PCDH15: variants seen among roughly 807,000 people sequenced by gnomAD.
PCDH15 encodes protocadherin-15.
Under a neutral mutation model 178.5 loss-of-function variants are expected in PCDH15, and 129 were observed. The ratio of observed to expected loss-of-function variants is 0.72; its 90% CI spans 0.63 to 0.84. The LOEUF is 0.84. PCDH15 is among the 40% of genes least tolerant of loss of function. PCDH15 has a pLI of 0.00. For missense variants in PCDH15, 2,230 were observed against 2,099.9 expected, an observed-to-expected ratio of 1.06 and a Z score of -1.21; for synonymous variants, 800 against 732.0, an observed-to-expected ratio of 1.09 and a Z score of -1.50.
Position 54,190,035 on chromosome 10 carries a change from G to A in PCDH15, c.1306-4767C>T, listed in dbSNP as rs190550295. ...AAATATTTCTTTTCCTTTCTTTTCAGTATTACTGTGGCCCTTGGAATTCTT... is the reference window on the plus strand; with the variant it reads ...AAATATTTCTTTTCCTTTCTTTTCAATATTACTGTGGCCCTTGGAATTCTT... On this transcript the variant is annotated intron_variant, in intron 11 of 37. Transcript: ENST00000644397. Among the ~76,000 whole-genome samples the A allele has an allele frequency of 2.6e-5, 4 of 151,432 alleles. No individual in the cohort carries two copies. In the East Asian group the frequency reaches 5.9e-4, roughly 22 times the overall value.
At chr10:55,422,538 T>G (rs1327984938) in intron 2 of PCDH15, among the ~76,000 whole-genome samples, 3 of 151,880 alleles carry the variant, frequency 2.0e-5, no homozygotes, top group African/African-American at 7.2e-5. Flanking sequence ...GTAATGACCT[T>G]CCTCTAACCT....
At chr10:53,860,344 C>T (rs1371692676) in intron 27 of PCDH15, among the ~76,000 whole-genome samples, 3 of 152,094 alleles carry the variant, frequency 2.0e-5, no homozygotes, top group Non-Finnish European at 4.4e-5. Flanking sequence ...GAGTTCTGAC[C>T]AACGTAAACT....
At chr10:54,248,125 T>C (rs368023620) in intron 8 of PCDH15, among the ~76,000 whole-genome samples, 15 of 151,730 alleles carry the variant, frequency 9.9e-5, no homozygotes, top group East Asian at 7.7e-4. Context: ...GCTTAATTGA[T>C]ACCATGTCTT....
In PCDH15 at chr10:55,385,693, CTATATA is replaced by C. The variant is rs57143868; in HGVS notation, c.-155-219048_-155-219043del. On this transcript the variant is annotated intron_variant, in intron 2 of 5. Coordinates refer to the PCDH15 transcript ENST00000613346. ...AGCCCACTCTATCTTCTTCCTCTGC[CTATATA>C]TATATATATATATATATATGCATAT... 4.8e-3 allele frequency among the ~76,000 whole-genome samples: 624 copies of C among 128,740 alleles called. 8 individuals carry two copies. Among genetic ancestry groups the C allele is most frequent in the African/African-American group, 0.017 (589 of 34,364 alleles). 84.5% of individuals were successfully genotyped at this position (128,740 alleles called of 152,430 possible).
At chr10:54,220,503 T>C (rs1032170831) in intron 9 of PCDH15, among the ~76,000 whole-genome samples, 7 of 152,146 alleles carry the variant, frequency 4.6e-5, no homozygotes, top group African/African-American at 1.7e-4. Flanking sequence ...TTCTGGAAGG[T>C]TGGTTTTTAG....
At chr10:55,430,082 A>G (rs1345383850) in intron 2 of PCDH15, among the ~76,000 whole-genome samples, 1 of 152,132 alleles carries the variant, frequency 6.6e-6, no homozygotes, top group Non-Finnish European at 1.5e-5. Flanking sequence ...TACATAAATA[A>G]GTAGATAGAA....
chr10:55,504,133 C>G (rs548858714), intron 2 of PCDH15, among the ~76,000 whole-genome samples: 1 of 151,196 alleles, frequency 6.6e-6, no homozygotes, highest in African/African-American at 2.4e-5. Context: ...ATTTAGAACA[C>G]CAAATGTCAA....
chr10:55,200,584 T>C (rs1010790703), intron 1 of PCDH15, among the ~76,000 whole-genome samples: 6 of 152,060 alleles, frequency 3.9e-5, no homozygotes, highest in Admixed American at 6.5e-5. Flanking sequence ...TGAATGTGTT[T>C]TGAAATGTAA....
intron 2 of PCDH15, among the ~76,000 whole-genome samples, chr10:55,150,856 G>A (rs1838689882): frequency 6.6e-6 from 1 of 152,054 alleles, no homozygotes; most frequent in East Asian, 1.9e-4. Flanking sequence ...AAAGCCAAGA[G>A]CTCTCAGTTA....
intron 1 of PCDH15, among the ~76,000 whole-genome samples, chr10:55,239,602 A>G (rs1263005607): frequency 6.6e-6 from 1 of 152,170 alleles, no homozygotes; most frequent in African/African-American, 2.4e-5. Context: ...AAAACACTGG[A>G]AAAACATTCC....
chr10:54,663,242 C>T (rs1317420590), intron 2 of PCDH15, among the ~76,000 whole-genome samples: 1 of 151,772 alleles, frequency 6.6e-6, no homozygotes, highest in Non-Finnish European at 1.5e-5. Context: ...AAATGCACAT[C>T]CTTTGCTGCC....
chr10:54,317,955 T>C (rs12768441), intron 7 of PCDH15, among the ~76,000 whole-genome samples: 39,398 of 152,170 alleles, frequency 0.26, 6,381 homozygotes, highest in Middle Eastern at 0.38. Context: ...TAAGCTTTTG[T>C]ATGTTAGGCC....
rs534821008 is a variant in PCDH15, at chr10:53,822,683, C to T, written c.4368-2453G>A. On this transcript the variant is annotated intron_variant, in intron 32 of 37. Coordinates refer to ENST00000644397, the MANE Select transcript of PCDH15 (RefSeq NM_001384140.1). Reference sequence around the variant, plus strand: ...TGACATTAGGTTCTGATTTGAGTTCCACAGTTCTTGAAACAGTTGGCAAAG... The same window carrying T: ...TGACATTAGGTTCTGATTTGAGTTCTACAGTTCTTGAAACAGTTGGCAAAG... 6.2e-6 allele frequency: 10 copies of T among 1,614,016 alleles called. No homozygotes were observed. The African/African-American group carries it at 1.2e-4, about 19-fold the overall frequency.
intron 2 of PCDH15, among the ~76,000 whole-genome samples, chr10:55,624,652 A>T (rs560630780): frequency 6.6e-6 from 1 of 152,292 alleles, no homozygotes; most frequent in Non-Finnish European, 1.5e-5. Flanking sequence ...AAAATAGTAC[A>T]AAAGGGGGAA....
At chr10:55,594,065 C>T (rs1306482526) in intron 2 of PCDH15, among the ~76,000 whole-genome samples, 1 of 151,914 alleles carries the variant, frequency 6.6e-6, no homozygotes, top group African/African-American at 2.4e-5. Flanking sequence ...ATGAAACCAA[C>T]TTTTTCTCTA....
chr10:55,426,383 G>A (rs918209661), intron 2 of PCDH15, among the ~76,000 whole-genome samples: 2 of 152,108 alleles, frequency 1.3e-5, no homozygotes, highest in African/African-American at 4.8e-5. Flanking sequence ...GCACTCAGTT[G>A]GACCCCCTGC....
At chr10:55,116,728 G>A (rs1837636834) in intron 2 of PCDH15, among the ~76,000 whole-genome samples, 1 of 152,082 alleles carries the variant, frequency 6.6e-6, no homozygotes, top group Non-Finnish European at 1.5e-5. Flanking sequence ...TATGACACGT[G>A]GGCATTTGAA....
chr10:54,715,914 G>C (rs67378741), intron 1 of PCDH15, among the ~76,000 whole-genome samples: 18,559 of 152,084 alleles, frequency 0.12, 1,264 homozygotes, highest in African/African-American at 0.17. Flanking sequence ...CAGGTGCAGA[G>C]ATTGTGGTAC....
intron 2 of PCDH15, among the ~76,000 whole-genome samples, chr10:55,069,875 C>A (rs1179246854): frequency 1.3e-5 from 2 of 152,034 alleles, no homozygotes; most frequent in Admixed American, 6.6e-5. Context: ...AATGGTTGAA[C>A]TAGTTTACAG....
Sources: gnomAD v4.1 joint callset for allele counts (sites outside exome capture counted in the v4.1 genomes callset) on GRCh38, gnomAD v4.1.1 for gene constraint, MANE v1.5 for transcripts, NCBI Gene and HGNC (gene_info 2026-07-23, HGNC 2026-07-21) for gene names.